The following WSCD1 variants were observed in gnomAD, a reference collection of about 807,000 sequenced individuals.
The protein encoded by WSCD1 is sialate:O-sulfotransferase 1.
WSCD1 carries 41 observed loss-of-function variants against 60.4 expected under a neutral mutation model. The observed-to-expected ratio is 0.68, with a 90% CI of 0.53 to 0.88. The LOEUF is 0.88. Ranked by LOEUF, WSCD1 falls within the 40% of genes least tolerant of loss-of-function variation. WSCD1 has a pLI of 0.00. For synonymous variants in WSCD1, 361 were observed against 332.5 expected (o/e 1.09, Z -0.93); for missense variants, 784 against 796.2 (o/e 0.98, Z 0.18).
At chr17:6,115,501 G>C (rs1911642344) in intron 7 of WSCD1, among the ~76,000 whole-genome samples, 1 of 145,838 alleles carries the variant, frequency 6.9e-6, no homozygotes, top group South Asian at 2.2e-4. Flanking sequence ...AAGTCCATTG[G>C]CATCAAATTT....
intron 7 of WSCD1, among the ~76,000 whole-genome samples, chr17:6,114,047 T>C (rs1350757361): frequency 1.3e-5 from 2 of 151,792 alleles, no homozygotes; most frequent in African/African-American, 4.8e-5. Context: ...ACTCTCATGC[T>C]TATTACAGCA....
rs571748251 is a variant in WSCD1 at position 6,120,710 on chromosome 17, C to T, written c.*49C>T. 133 of 1,544,430 alleles carry T rather than the reference C, an allele frequency of 8.6e-5. No individual in the cohort carries two copies. Among genetic ancestry groups the T allele is most frequent in the Non-Finnish European group, 1.1e-4 (129 of 1,139,756 alleles). On this transcript the variant is annotated 3_prime_UTR_variant, in exon 9 of 9. Transcript: ENST00000317744. ...CCCGCTGAGTGACGCAATCGCACCA[C>T]GGGGCTGCGCTCCCCACTCTGATGC...
At chr17:6,115,352 C>A (rs948670137) in intron 7 of WSCD1, among the ~76,000 whole-genome samples, 2 of 152,170 alleles carry the variant, frequency 1.3e-5, no homozygotes, top group South Asian at 2.1e-4. Flanking sequence ...GAGGCAAGAA[C>A]TAGTTCATCA....
At chr17:6,077,622 G>A (rs1315069785) in intron 1 of WSCD1, among the ~76,000 whole-genome samples, 2 of 152,160 alleles carry the variant, frequency 1.3e-5, no homozygotes, top group Admixed American at 1.3e-4. Context: ...GACCCTGTGT[G>A]AGATGTATTG....
At chr17:6,098,299 C>T (rs1201313539) in intron 5 of WSCD1, among the ~76,000 whole-genome samples, 1 of 152,118 alleles carries the variant, frequency 6.6e-6, no homozygotes, top group Admixed American at 6.6e-5. Flanking sequence ...TTTGTGATTA[C>T]AGACAAGAAT....
rs998272458 is a variant in WSCD1, at chr17:6,080,890, A to G, written c.232A>G (p.Ser78Gly). The change falls in exon 2 of 9, where the codon AGC becomes GGC. Residue 78 changes from serine (S) to glycine (G), a missense_variant. Transcript: ENST00000317744. This position sits in a 1 kb window ranked among gnomAD's most constrained non-coding sequence, Gnocchi z 6.6. ...DSRALHDPRV[S>G]PELLLGVDML... is the part of the protein sequence containing the mutation. ...CAGAGCCCTGCACGACCCTCGAGTC[A>G]GCCCAGAGCTGCTGCTGGGTGTGGA... is the stretch of plus-strand genomic sequence containing the variant. 1 of 1,601,660 alleles carries G rather than the reference A, an allele frequency of 6.2e-7. No individual in the cohort carries two copies. The highest frequency in any genetic ancestry group is 8.5e-7 in the Non-Finnish European group (1 of 1,177,684).
intron 7 of WSCD1, among the ~76,000 whole-genome samples, chr17:6,115,949 A>G (rs1567562087): frequency 6.6e-6 from 1 of 152,196 alleles, no homozygotes; most frequent in Admixed American, 6.5e-5. Flanking sequence ...TGATACTGTC[A>G]GTAACATCCT....
In WSCD1 at chr17:6,075,097, C is replaced by T. The variant is rs537304380; in HGVS notation, c.-289+4445C>T. On this transcript the variant is annotated intron_variant, in intron 1 of 8. Coordinates refer to ENST00000317744, the MANE Select transcript of WSCD1 (RefSeq NM_015253.2). This position sits in a 1 kb window ranked among gnomAD's most constrained non-coding sequence, Gnocchi z 4.1. The stretch of plus-strand genomic sequence containing the variant: ...CTTCGAGCTTCTAGGACCCAGATGC[C>T]CATCACCTTGTCTAGAGAGCAACGT... Among the ~76,000 whole-genome samples the T allele has an allele frequency of 3.0e-3, 453 of 152,246 alleles. 3 individuals carry two copies. The highest frequency in any genetic ancestry group is 6.6e-3 in the South Asian group (32 of 4,826).
chr17:6,113,678 A>G (rs1483369447), intron 7 of WSCD1, among the ~76,000 whole-genome samples: 2 of 152,240 alleles, frequency 1.3e-5, no homozygotes, highest in Admixed American at 1.3e-4. Flanking sequence ...AAATGGACAG[A>G]TGATATGAAT....
intron 3 of WSCD1, among the ~76,000 whole-genome samples, chr17:6,088,843 C>T (rs1048815296): frequency 6.7e-6 from 1 of 148,634 alleles, no homozygotes; most frequent in African/African-American, 2.5e-5. Context: ...AGTGCAGTGG[C>T]GCGATCTCCA....
intron 2 of WSCD1, among the ~76,000 whole-genome samples, chr17:6,081,381 A>C (rs1909262659): frequency 6.6e-6 from 1 of 151,418 alleles, no homozygotes; most frequent in Non-Finnish European, 1.5e-5. Flanking sequence ...TTTTTTTTTT[A>C]ATCTCAGAGA....
chr17:6,105,927 G>T (rs190919825), intron 5 of WSCD1, among the ~76,000 whole-genome samples: 1 of 152,172 alleles, frequency 6.6e-6, no homozygotes, highest in African/African-American at 2.4e-5. Flanking sequence ...CATGCCTGTG[G>T]TGCAGTTAAC....
At chr17:6,094,590 A>G (rs1269155822) in intron 4 of WSCD1, among the ~76,000 whole-genome samples, 1 of 146,726 alleles carries the variant, frequency 6.8e-6, no homozygotes, top group Non-Finnish European at 1.5e-5. Flanking sequence ...GAAGGAAGGG[A>G]GGAAGGAAGG....
chr17:6,073,608 C>T (rs1000972699), intron 1 of WSCD1, among the ~76,000 whole-genome samples: 16 of 152,132 alleles, frequency 1.1e-4, no homozygotes, highest in South Asian at 4.2e-4. Context: ...CTAGCTTGGG[C>T]GACAGAGCGA....
chr17:6,120,205 A>G (rs1904575449), intron 8 of WSCD1, 104 bp from the exon 9 acceptor site: 5 of 1,225,426 alleles, frequency 4.1e-6, no homozygotes, highest in African/African-American at 1.5e-5. Flanking sequence ...GGCAGTGGAC[A>G]GTGGAAAACC....
rs148765035 is a variant in WSCD1, at chr17:6,120,339, C to T, written c.1406C>T (p.Ser469Leu). The change falls in exon 9 of 9, where the codon TCG (serine) becomes TTG (leucine). Residue 469 changes from serine to leucine, a missense_variant. Transcript: ENST00000317744. ...CCGGACTTTGTCAACAGCTACGCCTCGTGGTGGTCCTCGCACGTCCTGGAC... is the reference window on the plus strand; with the variant it reads ...CCGGACTTTGTCAACAGCTACGCCTTGTGGTGGTCCTCGCACGTCCTGGAC... The part of the protein sequence containing the change: ...EWPDFVNSYA[S>L]WWSSHVLDWL... 123 of 1,613,890 alleles carry T rather than the reference C, an allele frequency of 7.6e-5. No homozygotes were observed. Among genetic ancestry groups the T allele is most frequent in the African/African-American group, 1.9e-4 (14 of 74,952 alleles).
chr17:6,095,854 G>A (rs62053889), intron 5 of WSCD1, among the ~76,000 whole-genome samples: 2 of 152,198 alleles, frequency 1.3e-5, no homozygotes, highest in African/African-American at 4.8e-5. Flanking sequence ...TTGAGATCTC[G>A]GGCTGGAGTC....
At chr17:6,105,004 G>T (rs994217201) in intron 5 of WSCD1, among the ~76,000 whole-genome samples, 3 of 152,212 alleles carry the variant, frequency 2.0e-5, no homozygotes, top group Non-Finnish European at 4.4e-5. Flanking sequence ...AGATGATGCC[G>T]AGAGGGGCTG....
chr17:6,108,298 A>G (rs985801191), intron 5 of WSCD1, among the ~76,000 whole-genome samples: 3 of 152,118 alleles, frequency 2.0e-5, no homozygotes, highest in African/African-American at 7.2e-5. Context: ...GTGAGCAAAA[A>G]ATAAAAAGGT....
Sources: allele counts gnomAD v4.1 joint callset (sites outside exome capture counted in the v4.1 genomes callset), GRCh38; gene constraint gnomAD v4.1.1; non-coding constraint Gnocchi (gnomAD v3.1); transcripts MANE v1.5; gene names NCBI Gene and HGNC (gene_info 2026-07-23, HGNC 2026-07-21).